PHACTR2: variants seen among roughly 807,000 people sequenced by gnomAD.
The protein encoded by PHACTR2 is chromosome 6 open reading frame 56.
In PHACTR2, 30 loss-of-function variants were observed where a neutral mutation model predicts 76.0. That is an observed-to-expected ratio of 0.39 (90% CI 0.30 to 0.54). The LOEUF (loss-of-function observed/expected upper bound fraction) is 0.54, where lower values mean the gene tolerates loss of function less well. Ranked by LOEUF, PHACTR2 falls within the 20% of genes least tolerant of loss-of-function variation. PHACTR2 has a pLI of 0.61. For synonymous variants in PHACTR2, 292 were observed against 292.5 expected (o/e 1.00, Z 0.02); for missense variants, 696 against 781.1 (o/e 0.89, Z 1.30).
At position 143,743,343 on chromosome 6, in the gene PHACTR2, G is replaced by A. The variant is rs1298537771; in HGVS notation, c.215-5642G>A. Among the ~76,000 whole-genome samples the A allele has an allele frequency of 1.3e-5, 2 of 152,200 alleles. No individual in the cohort carries two copies. The highest frequency in any genetic ancestry group is 4.8e-5 in the African/African-American group (2 of 41,448). ...AGTGATGGGAAAAATGGTTCGCTGG[G>A]ACGGGTTGTAAAGCTTGGCTGCCGT... On this transcript the variant is annotated intron_variant, in intron 2 of 12. Coordinates refer to ENST00000440869, the MANE Select transcript of PHACTR2 (RefSeq NM_001100164.2). The surrounding 1 kb of genome is among the most constrained non-coding windows in gnomAD (Gnocchi z 5.0).
intron 1 of PHACTR2, among the ~76,000 whole-genome samples, chr6:143,542,664 C>T (rs1374309687): frequency 6.6e-6 from 1 of 152,194 alleles, no homozygotes; most frequent in Non-Finnish European, 1.5e-5. Flanking sequence ...GGGGTCCTAC[C>T]TACCTGACAG....
chr6:143,588,119 T>C (rs1775649414), intron 1 of PHACTR2, among the ~76,000 whole-genome samples: 1 of 152,184 alleles, frequency 6.6e-6, no homozygotes, highest in Admixed American at 6.5e-5. Context: ...AAAGCCTTTT[T>C]ATACTTAAGA....
At position 143,774,501 on chromosome 6, in the gene PHACTR2, C is replaced by G. The variant is rs976268389; in HGVS notation, c.1589+286C>G. On this transcript the variant is annotated intron_variant, in intron 8 of 12. Transcript: ENST00000440869. The surrounding 1 kb of genome is among the most constrained non-coding windows in gnomAD (Gnocchi z 5.4). ...TTTGCTGGCCAGACAGTCTCTGTTGCAGCTACTCAACTGCGCTGCTGTAGC... is the reference window on the plus strand; with the variant it reads ...TTTGCTGGCCAGACAGTCTCTGTTGGAGCTACTCAACTGCGCTGCTGTAGC... 6.6e-6 allele frequency among the ~76,000 whole-genome samples: 1 copy of G among 152,184 alleles called. No individual in the cohort carries two copies. Among genetic ancestry groups the G allele is most frequent in the Non-Finnish European group, 1.5e-5 (1 of 68,032 alleles).
intron 1 of PHACTR2, 34 bp from the exon 2 acceptor site, chr6:143,711,982 C>T: frequency 6.3e-7 from 1 of 1,598,990 alleles, no homozygotes; most frequent in East Asian, 2.2e-5. Flanking sequence ...ACCTTTTTTA[C>T]AACCTTTCTC....
upstream of PHACTR2, among the ~76,000 whole-genome samples, chr6:143,604,675 A>T (rs1320636532): frequency 6.6e-6 from 1 of 152,084 alleles, no homozygotes; most frequent in Non-Finnish European, 1.5e-5. Flanking sequence ...TGCGGTCAGG[A>T]GTTCAAGACC....
chr6:143,584,289 A>G (rs987142698), intron 1 of PHACTR2, among the ~76,000 whole-genome samples: 4 of 152,222 alleles, frequency 2.6e-5, no homozygotes, highest in African/African-American at 9.6e-5. Context: ...ACAGAGATCA[A>G]TGGACTAGAG....
rs1272075258 is a variant in PHACTR2 at position 143,698,220 on chromosome 6, G to C, written c.47-13796G>C. Among the ~76,000 whole-genome samples the C allele has an allele frequency of 2.0e-5, 3 of 152,208 alleles. No individual in the cohort carries two copies. The highest frequency in any genetic ancestry group is 7.2e-5 in the African/African-American group (3 of 41,456). On this transcript the variant is annotated intron_variant, in intron 1 of 12. Coordinates refer to ENST00000440869, the MANE Select transcript of PHACTR2 (RefSeq NM_001100164.2). The surrounding 1 kb of genome is among the most constrained non-coding windows in gnomAD (Gnocchi z 4.3). ...TGTGTTTTATCCAAATCCTGCTGGA[G>C]CAACTCATTCTCTGGAATGCTTGCT...
rs115462133 is a variant in PHACTR2 at position 143,699,231 on chromosome 6, T to C, written c.47-12785T>C. On this transcript the variant is annotated intron_variant, in intron 1 of 12. Transcript: ENST00000440869. ...GAATTCAGTCCCCATGCAGTCCCCG[T>C]GTGGCTGGTCTGACATCCTGGCTGG... Among the ~76,000 whole-genome samples the C allele has an allele frequency of 8.7e-3, 1,319 of 152,256 alleles. 24 individuals carry two copies. The highest frequency in any genetic ancestry group is 0.03 in the African/African-American group (1,229 of 41,550).
rs985820777 is a variant in PHACTR2, at chr6:143,556,995, C to A, written c.217+19788C>A. The stretch of plus-strand genomic sequence containing the variant: ...AAATGAGGCCAGAAAGAAAGGGCCT[C>A]CCTCCCTAACCCCAGCCTCAGTTAG... On this transcript the variant is annotated intron_variant, in intron 1 of 11. Coordinates refer to the PHACTR2 transcript ENST00000367584. The surrounding 1 kb of genome is among the most constrained non-coding windows in gnomAD (Gnocchi z 4.3). 1.3e-5 allele frequency among the ~76,000 whole-genome samples: 2 copies of A among 152,166 alleles called. No individual in the cohort carries two copies. The highest frequency in any genetic ancestry group is 2.9e-5 in the Non-Finnish European group (2 of 68,040).
At chr6:143,632,594 C>T (rs1000738622) in intron 1 of PHACTR2, among the ~76,000 whole-genome samples, 6 of 152,216 alleles carry the variant, frequency 3.9e-5, no homozygotes, top group Non-Finnish European at 8.8e-5. Flanking sequence ...TACATTGACT[C>T]ATCATTATCA....
Position 143,648,454 on chromosome 6 carries a change from AG to A in PHACTR2, c.13+40139del, listed in dbSNP as rs1328327711. On this transcript the variant is annotated intron_variant, in intron 1 of 11. Coordinates refer to the PHACTR2 transcript ENST00000305766. The surrounding 1 kb of genome is among the most constrained non-coding windows in gnomAD (Gnocchi z 6.7). ...TGTCTCTGCACTGGGAGTCCCTGGG[AG>A]GGGGGGACGAGGAGGAACAGACCAA... 2.6e-5 allele frequency among the ~76,000 whole-genome samples: 4 copies of A among 152,016 alleles called. No individual in the cohort carries two copies. In the South Asian group the frequency reaches 6.2e-4, roughly 24 times the overall value.
chr6:143,582,138 C>A (rs1218763748), intron 1 of PHACTR2, among the ~76,000 whole-genome samples: 1 of 152,140 alleles, frequency 6.6e-6, no homozygotes, highest in Non-Finnish European at 1.5e-5. Flanking sequence ...CTGTAAATGC[C>A]AAGCCAAACT....
chr6:143,644,390 C>A (rs1427867180), intron 1 of PHACTR2, among the ~76,000 whole-genome samples: 1 of 149,964 alleles, frequency 6.7e-6, no homozygotes, highest in Non-Finnish European at 1.5e-5. Flanking sequence ...ATGGGGTGAA[C>A]CCGGGAGGCG....
At chr6:143,675,247 G>A (rs1343219300), upstream of PHACTR2, among the ~76,000 whole-genome samples, 1 of 152,124 alleles carries the variant, frequency 6.6e-6, no homozygotes, top group Non-Finnish European at 1.5e-5. This position sits in a 1 kb window ranked among gnomAD's most constrained non-coding sequence, Gnocchi z 4.9. Flanking sequence ...AATATTTAGA[G>A]TGTTCCATGG....
chr6:143,793,635 G>A lies in PHACTR2; in HGVS notation c.1845+4725G>A, dbSNP rs1775762804. 6.6e-6 allele frequency among the ~76,000 whole-genome samples: 1 copy of A among 152,144 alleles called. No homozygotes were observed. Among genetic ancestry groups the A allele is most frequent in the South Asian group, 2.1e-4 (1 of 4,838 alleles). ...AATAGAAAAAATATTGGCCAGGCAT[G>A]GTGGCTCATGCCTGTAATCCTAGCA... On this transcript the variant is annotated intron_variant, in intron 11 of 12. Transcript: ENST00000440869. The surrounding 1 kb of genome is among the most constrained non-coding windows in gnomAD (Gnocchi z 4.4).
intron 1 of PHACTR2, among the ~76,000 whole-genome samples, chr6:143,594,610 CTG>C (rs1453399115): frequency 6.6e-6 from 1 of 152,250 alleles, no homozygotes; most frequent in East Asian, 1.9e-4. Flanking sequence ...TGAATGAAAA[CTG>C]GGTATTGCTG....
chr6:143,560,869 T>A (rs561704543), intron 1 of PHACTR2, among the ~76,000 whole-genome samples: 7 of 146,628 alleles, frequency 4.8e-5, no homozygotes, highest in African/African-American at 1.8e-4. Context: ...GGATATAAAA[T>A]GCAAAGCAGA....
At chr6:143,563,248 G>A (rs893290630) in intron 1 of PHACTR2, among the ~76,000 whole-genome samples, 3 of 152,074 alleles carry the variant, frequency 2.0e-5, no homozygotes, top group Non-Finnish European at 4.4e-5. Context: ...AACCAGTTAC[G>A]TGTGAGACAG....
At position 143,561,788 on chromosome 6, in the gene PHACTR2, G is replaced by C. The variant is rs1055968403; in HGVS notation, c.217+24581G>C. On this transcript the variant is annotated intron_variant, in intron 1 of 11. Coordinates refer to the PHACTR2 transcript ENST00000367584. The surrounding 1 kb of genome is among the most constrained non-coding windows in gnomAD (Gnocchi z 4.1). Reference sequence around the variant, plus strand: ...CCAGAAGGCCAGTAAGTAAGGCAGTGAGCCAGGGAGAGCTGGGTTATTACT... The same window carrying C: ...CCAGAAGGCCAGTAAGTAAGGCAGTCAGCCAGGGAGAGCTGGGTTATTACT... The C allele has an allele frequency of 9.2e-5, 14 of 152,296 alleles. No homozygotes were observed. The highest frequency in any genetic ancestry group is 3.4e-4 in the African/African-American group (14 of 41,464). The allele number at this position is 152,296 out of a possible 1,614,324, so 9.4% of individuals were successfully genotyped here.
Sources: gnomAD v4.1 joint callset for allele counts (sites outside exome capture counted in the v4.1 genomes callset) on GRCh38, gnomAD v4.1.1 for gene constraint, Gnocchi (gnomAD v3.1) non-coding constraint, MANE v1.5 for transcripts, NCBI Gene and HGNC (gene_info 2026-07-23, HGNC 2026-07-21) for gene names.